The following USH2A variants were observed in gnomAD, a reference collection of about 807,000 sequenced individuals.
The protein encoded by USH2A is usherin.
Under a neutral mutation model 538.9 loss-of-function variants are expected in USH2A, and 443 were observed. The ratio of observed to expected loss-of-function variants is 0.82; its 90% CI spans 0.76 to 0.89. USH2A has a LOEUF of 0.89. Among genes scored for constraint, USH2A ranks in the 40% least tolerant of loss-of-function variants. USH2A has a pLI of 0.00. For synonymous variants in USH2A, 2,413 were observed against 2,273.5 expected, an observed-to-expected ratio of 1.06 and a Z score of -1.75; for missense variants, 6,633 against 6,324.8, an observed-to-expected ratio of 1.05 and a Z score of -1.65.
At chr1:215,901,064 G>T in intron 38 of USH2A, 159 bp from the exon 39 acceptor site, 1 of 878,098 alleles carries the variant, frequency 1.1e-6, no homozygotes, top group Non-Finnish European at 1.8e-6. Flanking sequence ...CTGAACTCCT[G>T]TACTTCCTTA....
At chr1:216,145,842 C>A (rs2033688493) in intron 21 of USH2A, among the ~76,000 whole-genome samples, 1 of 152,030 alleles carries the variant, frequency 6.6e-6, no homozygotes. Flanking sequence ...CCACTGAGCA[C>A]CTTGCAACCC....
At chr1:215,764,310 C>T (rs112183985) in intron 56 of USH2A, among the ~76,000 whole-genome samples, 3 of 152,230 alleles carry the variant, frequency 2.0e-5, no homozygotes, top group African/African-American at 7.2e-5. Context: ...CTGAAAAAGA[C>T]TGGGTCTTCT....
At position 216,046,420 on chromosome 1, in the gene USH2A, A is replaced by G; in HGVS notation, c.6325+11T>C. The G allele has an allele frequency of 6.2e-7, 1 of 1,612,652 alleles. No homozygotes were observed. Among genetic ancestry groups the G allele is most frequent in the Non-Finnish European group, 8.5e-7 (1 of 1,178,814 alleles). The stretch of plus-strand genomic sequence containing the variant: ...ACTATAACAATTCGCTGATAACTCT[A>G]GAGGTCTTACCTGTGACTATGTAGT... On this transcript the variant is annotated intron_variant, in intron 32 of 71. Coordinates refer to ENST00000307340, the MANE Select transcript of USH2A (RefSeq NM_206933.4).
At chr1:215,757,450 G>A (rs1660846263) in intron 58 of USH2A, among the ~76,000 whole-genome samples, 1 of 152,136 alleles carries the variant, frequency 6.6e-6, no homozygotes, top group South Asian at 2.1e-4. Context: ...TTATGGAATG[G>A]ATCTACCGAT....
chr1:216,313,075 G>T (rs1221220845), intron 9 of USH2A, among the ~76,000 whole-genome samples: 1 of 152,148 alleles, frequency 6.6e-6, no homozygotes, highest in African/African-American at 2.4e-5. Flanking sequence ...ATGGGGAATG[G>T]TTTCAAGATG....
At chr1:215,998,401 A>G (rs1668186586) in intron 34 of USH2A, among the ~76,000 whole-genome samples, 1 of 152,070 alleles carries the variant, frequency 6.6e-6, no homozygotes, top group Non-Finnish European at 1.5e-5. Context: ...TTATTAAGTG[A>G]CTGTTCTTCT....
intron 35 of USH2A, among the ~76,000 whole-genome samples, chr1:215,980,074 T>C (rs1185690418): frequency 2.0e-5 from 3 of 152,198 alleles, no homozygotes; most frequent in African/African-American, 7.2e-5. Flanking sequence ...TCTGTAATTA[T>C]CTCAAAATAA....
intron 38 of USH2A, among the ~76,000 whole-genome samples, chr1:215,930,375 A>T (rs1024788724): frequency 2.0e-5 from 3 of 150,726 alleles, no homozygotes; most frequent in Non-Finnish European, 3.0e-5. Flanking sequence ...TAACAAAGAC[A>T]GTTTCAGACA....
intron 40 of USH2A, among the ~76,000 whole-genome samples, chr1:215,897,474 G>A (rs1571791974): frequency 1.3e-5 from 2 of 152,144 alleles, no homozygotes; most frequent in South Asian, 4.1e-4. Context: ...ATCACCTGAG[G>A]TCAGGAGTTC....
chr1:216,073,257 A>AGAT lies in USH2A; in HGVS notation c.5615_5616insATC (p.Ala1872_Val1873insSer). On this transcript the variant is annotated inframe_insertion, in exon 28 of 72. Coordinates refer to ENST00000307340, the MANE Select transcript of USH2A (RefSeq NM_206933.4). ...TGGACACAGATGCCAAGTTAACGAC[A>AGAT]GCACCCCGTGTAAATTTAACATCCT... 43 of 1,613,806 alleles carry AGAT rather than the reference A, an allele frequency of 2.7e-5. No individual in the cohort carries two copies. Among genetic ancestry groups the AGAT allele is most frequent in the Non-Finnish European group, 3.5e-5 (41 of 1,179,960 alleles).
chr1:216,157,367 C>T (rs973879549), intron 21 of USH2A, among the ~76,000 whole-genome samples: 3 of 152,182 alleles, frequency 2.0e-5, no homozygotes, highest in Non-Finnish European at 4.4e-5. Flanking sequence ...TGCTTATGCA[C>T]GATTGGTGGA....
At position 216,078,267 on chromosome 1, in the gene USH2A, T is replaced by G; in HGVS notation, c.5394A>C (p.Gly1798=). 6.2e-7 allele frequency: 1 copy of G among 1,613,806 alleles called. No individual in the cohort carries two copies. Among genetic ancestry groups the G allele is most frequent in the Non-Finnish European group, 8.5e-7 (1 of 1,179,738 alleles). Residue 1798 remains glycine, a synonymous_variant, in exon 27 of 72, where the codon GGA becomes GGC. Coordinates refer to ENST00000307340, the MANE Select transcript of USH2A (RefSeq NM_206933.4). Reference sequence around the variant, plus strand: ...TTTTAATAATGACTTTATTCCACTTTCCATTACAATAGGATAGCCCCAGCA... The same window carrying G: ...TTTTAATAATGACTTTATTCCACTTGCCATTACAATAGGATAGCCCCAGCA... ...DLLLGLSYCN[G]KWNKVIIKKE...
intron 65 of USH2A, among the ~76,000 whole-genome samples, chr1:215,649,866 AAG>A (rs2102644186): frequency 6.6e-6 from 1 of 152,338 alleles, no homozygotes; most frequent in South Asian, 2.1e-4. Context: ...CCACAGAGAC[AAG>A]AGTCTTCATC....
chr1:215,859,402 G>A (rs1201421889), intron 44 of USH2A, among the ~76,000 whole-genome samples: 2 of 151,950 alleles, frequency 1.3e-5, no homozygotes, highest in Non-Finnish European at 2.9e-5. Flanking sequence ...GGCGTGGTGG[G>A]ATGTGCCTGT....
At chr1:215,677,094 G>A (rs1277836880) in intron 62 of USH2A, among the ~76,000 whole-genome samples, 5 of 151,960 alleles carry the variant, frequency 3.3e-5, no homozygotes, top group African/African-American at 7.3e-5. Context: ...TAACCACATC[G>A]TTCACTGAAA....
chr1:215,685,129 A>C (rs1315934137), intron 61 of USH2A, among the ~76,000 whole-genome samples: 1 of 152,102 alleles, frequency 6.6e-6, no homozygotes, highest in African/African-American at 2.4e-5. Flanking sequence ...GATAGAGTAC[A>C]TCCAGGCAAT....
intron 9 of USH2A, among the ~76,000 whole-genome samples, chr1:216,310,556 T>C (rs1470507861): frequency 6.6e-6 from 1 of 152,156 alleles, no homozygotes; most frequent in Non-Finnish European, 1.5e-5. Context: ...TCCTCGACCA[T>C]ATATTTTCAA....
intron 60 of USH2A, among the ~76,000 whole-genome samples, chr1:215,728,962 C>A (rs182511462): frequency 6.6e-6 from 1 of 152,142 alleles, no homozygotes; most frequent in African/African-American, 2.4e-5. Flanking sequence ...TATTGGGAAT[C>A]CTTACCCTTC....
In USH2A at chr1:216,323,522, T is replaced by C. The variant is rs757710086; in HGVS notation, c.1502A>G (p.Asn501Ser). Residue 501 changes from asparagine (N) to serine (S), a missense_variant, in exon 8 of 72, where the codon AAC becomes AGC. Transcript: ENST00000307340. ...CACTGCATAATATCTGTGTCTGAGGTTAACAGCAGTCTCAGTTGTATAGTA... is the reference window on the plus strand; with the variant it reads ...CACTGCATAATATCTGTGTCTGAGGCTAACAGCAGTCTCAGTTGTATAGTA... ...GQYYTTETAV[N>S]LRHRYYAVDE... is the part of the protein sequence containing the mutation. The C allele has an allele frequency of 1.2e-6, 2 of 1,613,510 alleles. No individual in the cohort carries two copies. The highest frequency in any genetic ancestry group is 1.7e-6 in the Non-Finnish European group (2 of 1,179,718).
Sources: gnomAD v4.1 joint callset for allele counts (sites outside exome capture counted in the v4.1 genomes callset) on GRCh38, gnomAD v4.1.1 for gene constraint, MANE v1.5 for transcripts, NCBI Gene and HGNC (gene_info 2026-07-23, HGNC 2026-07-21) for gene names.